AZI2: variants seen among roughly 807,000 people sequenced by gnomAD.
AZI2 encodes the protein 5-azacytidine-induced protein 2.
Under a neutral mutation model 45.8 loss-of-function variants are expected in AZI2, and 22 were observed. That is an observed-to-expected ratio of 0.48 (90% CI 0.34 to 0.69). AZI2 has a LOEUF of 0.69. Ranked by LOEUF, AZI2 falls within the 30% of genes least tolerant of loss-of-function variation. The pLI, the probability that AZI2 is intolerant of heterozygous loss-of-function variation, is 0.01. For missense variants in AZI2, 417 were observed against 441.5 expected, an observed-to-expected ratio of 0.94 and a Z score of 0.50; for synonymous variants, 137 against 156.7, an observed-to-expected ratio of 0.87 and a Z score of 0.94.
intron 6 of AZI2, chr3:28,331,898 T>C (rs1703589906): frequency 1.3e-6 from 2 of 1,548,258 alleles, no homozygotes; most frequent in East Asian, 4.9e-5. Context: ...GTCCTCAAAA[T>C]TCATGCTATC....
intron 4 of AZI2, 91 bp downstream of exon 4, chr3:28,337,846 A>C: frequency 1.4e-6 from 1 of 715,640 alleles, no homozygotes; most frequent in Non-Finnish European, 2.1e-6. Flanking sequence ...TTAAGGTCTT[A>C]GCATATGGAT....
intron 1 of AZI2, among the ~76,000 whole-genome samples, chr3:28,342,713 A>ACACACACTTACACATG (rs1704070132): frequency 1.0e-4 from 1 of 9,732 alleles, no homozygotes; most frequent in African/African-American, 5.3e-4. Context: ...TTACACATGC[A>ACACACACTTACACATG]CACACACACA....
chr3:28,325,509 C>G (rs1424456114), intron 7 of AZI2, among the ~76,000 whole-genome samples: 1 of 150,960 alleles, frequency 6.6e-6, no homozygotes, highest in Non-Finnish European at 1.5e-5. Context: ...CTCCTCAAAG[C>G]AATGAGTTCT....
chr3:28,343,673 G>A (rs958358901), intron 1 of AZI2, among the ~76,000 whole-genome samples: 9 of 151,912 alleles, frequency 5.9e-5, no homozygotes, highest in Non-Finnish European at 1.3e-4. Context: ...GAGAAAACTG[G>A]GACCTGGAAA....
intron 5 of AZI2, among the ~76,000 whole-genome samples, chr3:28,335,107 T>G (rs2125651520): frequency 6.6e-6 from 1 of 152,104 alleles, no homozygotes; most frequent in South Asian, 2.1e-4. Context: ...ATACACTAAT[T>G]TAACCTTCAT....
intron 4 of AZI2, 39 bp from the exon 5 acceptor site, chr3:28,336,924 T>C: frequency 6.3e-7 from 1 of 1,594,810 alleles, no homozygotes; most frequent in East Asian, 2.2e-5. Context: ...TATCTTTTCC[T>C]TCTACATTGA....
chr3:28,331,486 G>C (rs954093801), intron 6 of AZI2, among the ~76,000 whole-genome samples: 2 of 151,468 alleles, frequency 1.3e-5, no homozygotes, highest in Non-Finnish European at 3.0e-5. Flanking sequence ...TCACAAAGCC[G>C]AATAAAACAG....
At position 28,323,811 on chromosome 3, in the gene AZI2, G is replaced by T; in HGVS notation, c.*231C>A. ...ACACCTTAAGTTTACTTATTAATTA[G>T]TATAGTAGCATATTTCAGATTCTTA... On this transcript the variant is annotated 3_prime_UTR_variant, in exon 8 of 8. Coordinates refer to ENST00000479665, the MANE Select transcript of AZI2 (RefSeq NM_022461.5). The T allele has an allele frequency of 7.5e-6, 3 of 398,770 alleles. No individual in the cohort carries two copies. Among genetic ancestry groups the T allele is most frequent in the Non-Finnish European group, 9.0e-6 (2 of 222,848 alleles). 24.7% of individuals were successfully genotyped at this position (398,770 alleles called of 1,614,324 possible).
intron 6 of AZI2, among the ~76,000 whole-genome samples, chr3:28,330,891 ACTGTCCT>A (rs768751646): frequency 4.6e-5 from 7 of 151,364 alleles, no homozygotes; most frequent in African/African-American, 7.3e-5. Context: ...ATTTCTAAAA[ACTGTCCT>A]CTGAATTGAT....
intron 1 of AZI2, among the ~76,000 whole-genome samples, chr3:28,341,922 T>G (rs1704032929): frequency 6.6e-6 from 1 of 152,076 alleles, no homozygotes; most frequent in African/African-American, 2.4e-5. Context: ...TAAGTATTTT[T>G]TCCAAAGTAA....
intron 1 of AZI2, chr3:28,348,142 T>A (rs1479481315): frequency 6.6e-6 from 1 of 152,202 alleles, no homozygotes; most frequent in Non-Finnish European, 1.5e-5. Flanking sequence ...AGGTTAGACA[T>A]TGGAGAAACG....
chr3:28,325,327 T>C (rs2125636283), intron 7 of AZI2, among the ~76,000 whole-genome samples: 1 of 151,268 alleles, frequency 6.6e-6, no homozygotes, highest in Admixed American at 6.6e-5. Flanking sequence ...TAACTAAGGC[T>C]TGACTTCATG....
At position 28,336,891 on chromosome 3, in the gene AZI2, A is replaced by T; in HGVS notation, c.440-6T>A. On this transcript the variant is annotated splice_region_variant and splice_polypyrimidine_tract_variant and intron_variant, in intron 4 of 7. Coordinates refer to ENST00000479665, the MANE Select transcript of AZI2 (RefSeq NM_022461.5). The stretch of plus-strand genomic sequence containing the variant: ...TGGATTTAAATTCCTCATCACTACA[A>T]AAAGGATGGACACTGAAATTGTTAT... 1 of 1,611,986 alleles carries T rather than the reference A, an allele frequency of 6.2e-7. No homozygotes were observed. The highest frequency in any genetic ancestry group is 8.5e-7 in the Non-Finnish European group (1 of 1,178,946).
chr3:28,326,606 G>GA (rs770760734), intron 7 of AZI2: 6 of 502,548 alleles, frequency 1.2e-5, no homozygotes, highest in African/African-American at 3.9e-5. Context: ...GCCACAAGGG[G>GA]AAAAGAATAC....
In AZI2 at chr3:28,321,849, A is replaced by G. The variant is rs1369845890; in HGVS notation, c.*2193T>C. On this transcript the variant is annotated 3_prime_UTR_variant, in exon 8 of 8. Transcript: ENST00000479665. The stretch of plus-strand genomic sequence containing the variant: ...GCTAATAAGGGAGCAAGAGGAAGGA[A>G]TAGGTGGCTTTTTGTTATGTTTTCT... The G allele has an allele frequency of 6.6e-6, 1 of 151,394 alleles. No homozygotes were observed. The highest frequency in any genetic ancestry group is 1.5e-5 in the Non-Finnish European group (1 of 67,538). 9.4% of individuals were successfully genotyped at this position (151,394 alleles called of 1,614,324 possible).
At chr3:28,346,691 A>G (rs1559465717) in intron 1 of AZI2, among the ~76,000 whole-genome samples, 1 of 152,194 alleles carries the variant, frequency 6.6e-6, no homozygotes, top group African/African-American at 2.4e-5. Context: ...TATTTCGTAC[A>G]ATCAGTCAAA....
chr3:28,322,133 A>AGAACC lies in AZI2; in HGVS notation c.*1904_*1908dup, dbSNP rs1175134497. The AGAACC allele has an allele frequency of 4.0e-5, 6 of 151,268 alleles. No individual in the cohort carries two copies. The highest frequency in any genetic ancestry group is 1.5e-4 in the African/African-American group (6 of 41,332). 9.4% of individuals were successfully genotyped at this position (151,268 alleles called of 1,614,324 possible). ...TTTTTGGCTAATCTTTCCTTACTAA[A>AGAACC]GAACCTTATACATCATTTGTCTAAC... On this transcript the variant is annotated 3_prime_UTR_variant, in exon 8 of 8. Coordinates refer to ENST00000479665, the MANE Select transcript of AZI2 (RefSeq NM_022461.5).
intron 7 of AZI2, among the ~76,000 whole-genome samples, chr3:28,325,642 G>A (rs1703361000): frequency 1.3e-5 from 2 of 151,048 alleles, no homozygotes; most frequent in Non-Finnish European, 3.0e-5. Context: ...CCATGTCCAA[G>A]TATGAAAAGA....
chr3:28,345,806 GA>G (rs1246467037), intron 1 of AZI2, among the ~76,000 whole-genome samples: 3 of 152,000 alleles, frequency 2.0e-5, no homozygotes, highest in Admixed American at 2.0e-4. Flanking sequence ...TGGGATACTA[GA>G]AAACATATCT....
Sources: gnomAD v4.1 joint callset for allele counts (sites outside exome capture counted in the v4.1 genomes callset) on GRCh38, gnomAD v4.1.1 for gene constraint, MANE v1.5 for transcripts, NCBI Gene and HGNC (gene_info 2026-07-23, HGNC 2026-07-21) for gene names.